SOX5: variants seen among roughly 807,000 people sequenced by gnomAD.
SOX5 encodes transcription factor SOX-5.
In SOX5, 9 loss-of-function variants were observed where a neutral mutation model predicts 92.0. The observed-to-expected ratio is 0.10, with a 90% CI of 0.06 to 0.17. SOX5 has a LOEUF of 0.17. Among genes scored for constraint, SOX5 ranks in the 10% least tolerant of loss-of-function variants. The pLI is 1.00. For synonymous variants in SOX5, 344 were observed against 336.3 expected (o/e 1.02, Z -0.25); for missense variants, 642 against 944.5 (o/e 0.68, Z 4.20).
intron 2 of SOX5, among the ~76,000 whole-genome samples, chr12:24,330,416 CT>C (rs1309265996): frequency 6.6e-6 from 1 of 152,172 alleles, no homozygotes; most frequent in Non-Finnish European, 1.5e-5. Context: ...AGGATGAAGG[CT>C]GCTTTCTGAG....
At chr12:23,563,485 T>G in intron 10 of SOX5, 82 bp from the exon 11 acceptor site, 1 of 1,219,974 alleles carries the variant, frequency 8.2e-7, no homozygotes, top group Non-Finnish European at 1.2e-6. Flanking sequence ...TCACTTTTCT[T>G]GGTAATAGGT....
At chr12:23,535,882 C>T (rs1164627328) in intron 14 of SOX5, among the ~76,000 whole-genome samples, 5 of 152,188 alleles carry the variant, frequency 3.3e-5, no homozygotes, top group Non-Finnish European at 5.9e-5. Context: ...GCACTGTCAA[C>T]AACCTTGCCA....
intron 4 of SOX5, among the ~76,000 whole-genome samples, chr12:24,200,177 G>A (rs1957379719): frequency 6.6e-6 from 1 of 152,134 alleles, no homozygotes; most frequent in Non-Finnish European, 1.5e-5. Flanking sequence ...AACTGGGCTA[G>A]GAATCAGGAA....
At chr12:23,922,518 C>A (rs1938604699) in intron 1 of SOX5, among the ~76,000 whole-genome samples, 1 of 152,220 alleles carries the variant, frequency 6.6e-6, no homozygotes, top group Non-Finnish European at 1.5e-5. Context: ...TCATGGGTCA[C>A]TTGTGTCTTA....
At chr12:23,748,560 G>T (rs549701324) in intron 4 of SOX5, among the ~76,000 whole-genome samples, 128 of 151,840 alleles carry the variant, frequency 8.4e-4, no homozygotes, top group Non-Finnish European at 1.3e-3. Context: ...TAAAGAAAAA[G>T]TACAAGTAAA....
chr12:23,704,569 C>T (rs1188663557), intron 6 of SOX5, among the ~76,000 whole-genome samples: 4 of 151,008 alleles, frequency 2.6e-5, no homozygotes. Context: ...TTGTTACCAC[C>T]AGTAAGACAT....
At chr12:24,410,509 TTTTG>T (rs1159223445) in intron 1 of SOX5, among the ~76,000 whole-genome samples, 13 of 152,236 alleles carry the variant, frequency 8.5e-5, no homozygotes, top group African/African-American at 2.4e-4. Context: ...TCAAGGGTTT[TTTTG>T]TTTGTTTTCC....
At chr12:23,816,357 G>A (rs1252030563) in intron 3 of SOX5, among the ~76,000 whole-genome samples, 3 of 151,754 alleles carry the variant, frequency 2.0e-5, no homozygotes, top group African/African-American at 7.3e-5. Flanking sequence ...CTACAGGTGC[G>A]CACCACGATG....
intron 4 of SOX5, among the ~76,000 whole-genome samples, chr12:24,142,953 C>A (rs1203834330): frequency 2.0e-5 from 3 of 151,642 alleles, no homozygotes; most frequent in African/African-American, 7.3e-5. Context: ...AGGAAACTGC[C>A]CAAGGCAGGG....
chr12:23,880,045 G>A (rs962046907), intron 2 of SOX5, among the ~76,000 whole-genome samples: 1 of 152,150 alleles, frequency 6.6e-6, no homozygotes, highest in South Asian at 2.1e-4. Context: ...TAGCCCCAGT[G>A]TGAGGATGCA....
Position 23,592,706 on chromosome 12 carries a change from C to T in SOX5, c.1164+11681G>A, listed in dbSNP as rs140553787. Among the ~76,000 whole-genome samples the T allele has an allele frequency of 7.0e-3, 1,068 of 152,190 alleles. 3 individuals carry two copies. Among genetic ancestry groups the T allele is most frequent in the Middle Eastern group, 0.027 (8 of 294 alleles). On this transcript the variant is annotated intron_variant, in intron 9 of 14. Coordinates refer to ENST00000451604, the MANE Select transcript of SOX5 (RefSeq NM_006940.6). ...ATGTTTCAAATTTAATATTGATAAGCTGAAGATTTCAATGAGCAAAATTCT... is the reference window on the plus strand; with the variant it reads ...ATGTTTCAAATTTAATATTGATAAGTTGAAGATTTCAATGAGCAAAATTCT...
intron 6 of SOX5, among the ~76,000 whole-genome samples, chr12:23,698,125 T>A (rs2090137427): frequency 6.6e-6 from 1 of 152,182 alleles, no homozygotes; most frequent in South Asian, 2.1e-4. Context: ...ATGTAGAGTC[T>A]AAGAAGAACC....
chr12:23,634,642 C>T (rs2078982914), intron 8 of SOX5, among the ~76,000 whole-genome samples: 1 of 152,084 alleles, frequency 6.6e-6, no homozygotes. Context: ...AACATGCTAC[C>T]AGGCACAGAG....
chr12:24,415,539 T>C (rs1964877119), intron 1 of SOX5, among the ~76,000 whole-genome samples: 1 of 152,188 alleles, frequency 6.6e-6, no homozygotes, highest in African/African-American at 2.4e-5. Flanking sequence ...AAAGAATGAA[T>C]GGATAAAGAT....
rs189975330 is a variant in SOX5, at chr12:23,585,079, C to T, written c.1165-9241G>A. Among the ~76,000 whole-genome samples the T allele has an allele frequency of 3.6e-4, 55 of 152,042 alleles. 1 individual carries two copies. Among genetic ancestry groups the T allele is most frequent in the African/African-American group, 1.3e-3 (52 of 41,480 alleles). On this transcript the variant is annotated intron_variant, in intron 9 of 14. Coordinates refer to ENST00000451604, the MANE Select transcript of SOX5 (RefSeq NM_006940.6). ...TAACTCGATAAATTCTAAGTTTTTC[C>T]TATTGTTTTTAATATAGCATTTCAA... is the stretch of plus-strand genomic sequence containing the variant.
intron 4 of SOX5, among the ~76,000 whole-genome samples, chr12:23,998,104 G>A (rs1951211327): frequency 6.6e-6 from 1 of 152,092 alleles, no homozygotes; most frequent in Non-Finnish European, 1.5e-5. Context: ...GAAACTTTAT[G>A]AGGGACCCCA....
chr12:23,698,820 T>A (rs2090237623), intron 6 of SOX5, among the ~76,000 whole-genome samples: 1 of 152,216 alleles, frequency 6.6e-6, no homozygotes, highest in South Asian at 2.1e-4. Flanking sequence ...TACCTGTTTT[T>A]AAGGTCTGGT....
intron 2 of SOX5, among the ~76,000 whole-genome samples, chr12:23,887,772 G>A: frequency 6.6e-6 from 1 of 151,840 alleles, no homozygotes. Context: ...TACATTTTGT[G>A]GTCAATTTTT....
At chr12:23,785,102 A>G (rs2095355283) in intron 3 of SOX5, among the ~76,000 whole-genome samples, 1 of 152,162 alleles carries the variant, frequency 6.6e-6, no homozygotes, top group South Asian at 2.1e-4. Context: ...TTTAAAAATC[A>G]TCTATTTAAT....
Sources: gnomAD v4.1 joint callset for allele counts (sites outside exome capture counted in the v4.1 genomes callset) on GRCh38, gnomAD v4.1.1 for gene constraint, MANE v1.5 for transcripts, NCBI Gene and HGNC (gene_info 2026-07-23, HGNC 2026-07-21) for gene names.